The following PBX1 variants were observed in gnomAD, a reference collection of about 807,000 sequenced individuals.
PBX1 encodes the protein pre-B-cell leukemia transcription factor 1.
PBX1 carries 6 observed loss-of-function variants against 53.4 expected under a neutral mutation model. The observed-to-expected ratio is 0.11, with a 90% CI of 0.06 to 0.22. The LOEUF (loss-of-function observed/expected upper bound fraction) is 0.22, where lower values mean the gene tolerates loss of function less well. Among genes scored for constraint, PBX1 ranks in the 10% least tolerant of loss-of-function variants. The pLI, the probability that PBX1 is intolerant of heterozygous loss-of-function variation, is 1.00. For missense variants in PBX1, 251 were observed against 551.4 expected, an observed-to-expected ratio of 0.46 and a Z score of 5.46; for synonymous variants, 204 against 212.3, an observed-to-expected ratio of 0.96 and a Z score of 0.34.
intron 4 of PBX1, among the ~76,000 whole-genome samples, chr1:164,805,698 C>G (rs1424152370): frequency 6.6e-6 from 1 of 152,174 alleles, no homozygotes; most frequent in Non-Finnish European, 1.5e-5. Flanking sequence ...TAAAGCCTGG[C>G]CTGCAGACCC....
intron 2 of PBX1, among the ~76,000 whole-genome samples, chr1:164,791,326 T>G (rs74121239): frequency 0.012 from 1,860 of 152,286 alleles, 36 homozygotes; most frequent in African/African-American, 0.042. Context: ...TTCATAAAGA[T>G]CAGCCATCTC....
At chr1:164,718,877 A>G (rs538088086) in intron 2 of PBX1, among the ~76,000 whole-genome samples, 19 of 152,330 alleles carry the variant, frequency 1.2e-4, no homozygotes, top group East Asian at 9.6e-4. Context: ...GTAAGGCATA[A>G]TTTTGGTCTC....
chr1:164,729,409 G>A (rs1664868023), intron 2 of PBX1, among the ~76,000 whole-genome samples: 1 of 151,284 alleles, frequency 6.6e-6, no homozygotes, highest in African/African-American at 2.4e-5. Flanking sequence ...AAAACATTTT[G>A]TAAGAATTTA....
intron 2 of PBX1, among the ~76,000 whole-genome samples, chr1:164,601,116 G>A (rs1046455785): frequency 4.0e-5 from 6 of 151,462 alleles, no homozygotes; most frequent in Non-Finnish European, 8.8e-5. Context: ...GTGGGCGCCT[G>A]TAGTCCCAGC....
intron 4 of PBX1, among the ~76,000 whole-genome samples, chr1:164,806,435 G>C (rs1256381556): frequency 6.6e-6 from 1 of 152,112 alleles, no homozygotes; most frequent in Non-Finnish European, 1.5e-5. Context: ...AAGCTGTTGG[G>C]GGTTAATTTC....
At chr1:164,649,269 G>A (rs1310742106) in intron 2 of PBX1, among the ~76,000 whole-genome samples, 1 of 152,162 alleles carries the variant, frequency 6.6e-6, no homozygotes, top group South Asian at 2.1e-4. Context: ...TCTTTTAGAT[G>A]TAAAACACAT....
Position 164,559,522 on chromosome 1 carries a change from G to A in PBX1, c.-301G>A. The A allele has an allele frequency of 2.9e-6, 1 of 339,518 alleles. No individual in the cohort carries two copies. The highest frequency in any genetic ancestry group is 5.3e-6 in the Non-Finnish European group (1 of 188,758). The allele number at this position is 339,518 out of a possible 1,614,324, so 21.0% of individuals were successfully genotyped here. A position where few individuals can be genotyped will look rare whatever the true frequency, so the allele number is the denominator to read the frequency against. On this transcript the variant is annotated 5_prime_UTR_variant, in exon 1 of 9. The change creates a new upstream start codon in the 5' untranslated region. Transcript: ENST00000420696. ...GCCAGCTCTGATTTCTTTTCGCCAA[G>A]TGGGAAGGTGGTTTATTTTTCTTGC...
At chr1:164,560,069 G>A in intron 1 of PBX1, 56 bp downstream of exon 1, 1 of 1,229,476 alleles carries the variant, frequency 8.1e-7, no homozygotes, top group South Asian at 2.3e-5. Context: ...TCTTCCTCTT[G>A]CAGGGGGAAA....
downstream of PBX1, chr1:164,851,869 G>C (rs1671857522): frequency 6.1e-6 from 1 of 163,430 alleles, no homozygotes; most frequent in South Asian, 2.0e-4. Context: ...TTACATGCTG[G>C]CAACTTCTCT....
At chr1:164,869,543 G>A (rs1672298818) in intron 2 of PBX1, among the ~76,000 whole-genome samples, 1 of 152,224 alleles carries the variant, frequency 6.6e-6, no homozygotes, top group African/African-American at 2.4e-5. Flanking sequence ...TTTAATGAGA[G>A]TTTACCGAGC....
chr1:164,640,556 GTGTTTTTTTTTTTT>G (rs1462240392), intron 2 of PBX1, among the ~76,000 whole-genome samples: 3 of 30,680 alleles, frequency 9.8e-5, no homozygotes, highest in Non-Finnish European at 3.4e-4. Context: ...TTTTTTTTTT[GTGTTTTTTTTTTTT>G]TTTTTAGACG....
downstream of PBX1, among the ~76,000 whole-genome samples, chr1:164,856,346 C>A (rs1008514251): frequency 1.3e-5 from 2 of 152,172 alleles, no homozygotes; most frequent in Non-Finnish European, 2.9e-5. Flanking sequence ...GCAGAGCCTG[C>A]AAGGTTTAAA....
intron 2 of PBX1, among the ~76,000 whole-genome samples, chr1:164,694,713 C>T (rs1037175641): frequency 1.3e-5 from 2 of 152,178 alleles, no homozygotes; most frequent in African/African-American, 4.8e-5. Flanking sequence ...TTCTATGTCA[C>T]CTCCCACTAC....
Position 164,841,502 on chromosome 1 carries a change from C to T in PBX1, c.1201-5082C>T, listed in dbSNP as rs757395381. 2.8e-4 allele frequency among the ~76,000 whole-genome samples: 42 copies of T among 152,206 alleles called. 2 individuals are homozygous for T. The highest frequency in any genetic ancestry group is 3.4e-3 in the Middle Eastern group (1 of 294). ...TTTTGAAAGATAGCTCTGGTGGCAG[C>T]TAGAGATAGGACTGGAGGAATACCC... On this transcript the variant is annotated intron_variant, in intron 8 of 8. Transcript: ENST00000420696.
At position 164,799,061 on chromosome 1, in the gene PBX1, T is replaced by G. The variant is rs79818048; in HGVS notation, c.511-638T>G. ...CATTTGACCCCAAACTCTCTTTGGC[T>G]GTTAACTTTGGGAAAAAGGGTGGTG... On this transcript the variant is annotated intron_variant, in intron 3 of 8. Transcript: ENST00000420696. Among the ~76,000 whole-genome samples, 1,329 of 152,308 alleles carry G rather than the reference T, an allele frequency of 8.7e-3. 17 individuals carry two copies. The highest frequency in any genetic ancestry group is 0.03 in the African/African-American group (1,246 of 41,566).
At chr1:164,588,377 A>T (rs993319390) in intron 2 of PBX1, among the ~76,000 whole-genome samples, 1 of 152,034 alleles carries the variant, frequency 6.6e-6, no homozygotes, top group Admixed American at 6.6e-5. Context: ...TTGGGGAAAA[A>T]AAATCACACG....
chr1:164,821,649 C>G, intron 8 of PBX1, 23 bp downstream of exon 8: 2 of 1,584,396 alleles, frequency 1.3e-6, no homozygotes, highest in Non-Finnish European at 8.7e-7. Flanking sequence ...GCCCCCCCAC[C>G]CCCTGCTTTG....
At chr1:164,634,514 T>TA (rs1658615282) in intron 2 of PBX1, among the ~76,000 whole-genome samples, 1 of 152,212 alleles carries the variant, frequency 6.6e-6, no homozygotes, top group Non-Finnish European at 1.5e-5. Context: ...ACCTGACTAC[T>TA]ATGGCAGTGC....
chr1:164,568,327 G>A (rs1172367356), intron 2 of PBX1, among the ~76,000 whole-genome samples: 1 of 100,864 alleles, frequency 9.9e-6, no homozygotes, highest in African/African-American at 4.9e-5. Context: ...TCTTTTTATT[G>A]CTTTTCCTTT....
Sources: gnomAD v4.1 joint callset for allele counts (sites outside exome capture counted in the v4.1 genomes callset) on GRCh38, gnomAD v4.1.1 for gene constraint, MANE v1.5 for transcripts, NCBI Gene and HGNC (gene_info 2026-07-23, HGNC 2026-07-21) for gene names.